The following NTMT1 variants were observed in gnomAD, a reference collection of about 807,000 sequenced individuals.
NTMT1 encodes the protein N-terminal Xaa-Pro-Lys N-methyltransferase 1.
Under a neutral mutation model 17.5 loss-of-function variants are expected in NTMT1, and 8 were observed. The observed-to-expected ratio is 0.46, with a 90% CI of 0.27 to 0.82. The LOEUF is 0.82. Among genes scored for constraint, NTMT1 ranks in the 40% least tolerant of loss-of-function variants. NTMT1 has a pLI of 0.15. For synonymous variants in NTMT1, 128 were observed against 126.8 expected (o/e 1.01, Z -0.06); for missense variants, 221 against 303.5 (o/e 0.73, Z 2.02).
intron 1 of NTMT1, chr9:129,615,752 T>C: frequency 1.6e-6 from 2 of 1,243,698 alleles, no homozygotes; most frequent in Non-Finnish European, 1.1e-6. Context: ...TGCCCTACAC[T>C]GGTCTTGAAG....
At chr9:129,634,971 C>G (rs775015265) in intron 3 of NTMT1, 16 of 544,642 alleles carry the variant, frequency 2.9e-5, no homozygotes, top group Non-Finnish European at 5.2e-5. Context: ...GTAAGCCATC[C>G]CGTCAAGTCA....
rs1830233568 is a variant in NTMT1 at position 129,614,174 on chromosome 9, TC to T, written c.-55+4998del. Among the ~76,000 whole-genome samples, 1 of 152,324 alleles carries T rather than the reference TC, an allele frequency of 6.6e-6. No homozygotes were observed. Among genetic ancestry groups the T allele is most frequent in the African/African-American group, 2.4e-5 (1 of 41,574 alleles). The stretch of plus-strand genomic sequence containing the variant: ...CATGAAATTGTTTCTCTTGGGCTTG[TC>T]CTGGCCTTGGATTCCCAAGAGGGGC... On this transcript the variant is annotated intron_variant, in intron 1 of 3. Coordinates refer to the NTMT1 transcript ENST00000372486. The surrounding 1 kb of genome is among the most constrained non-coding windows in gnomAD (Gnocchi z 4.4).
chr9:129,634,847 A>C (rs2118986900), intron 3 of NTMT1: 2 of 280,430 alleles, frequency 7.1e-6, no homozygotes, highest in East Asian at 1.9e-4. Flanking sequence ...TAGTGTAGGG[A>C]AGGCAGTCTC....
Position 129,613,258 on chromosome 9 carries a change from G to A in NTMT1, c.-55+4080G>A, listed in dbSNP as rs758765155. ...CTGTGTCTTCTGGGTGGACCTGGGG[G>A]AGACAGGACCCCATGAGCTTCCTGG... On this transcript the variant is annotated intron_variant, in intron 1 of 3. Coordinates refer to the NTMT1 transcript ENST00000372486. This position sits in a 1 kb window ranked among gnomAD's most constrained non-coding sequence, Gnocchi z 6.2. 7 of 1,597,658 alleles carry A rather than the reference G, an allele frequency of 4.4e-6. No individual in the cohort carries two copies. Among genetic ancestry groups the A allele is most frequent in the Non-Finnish European group, 2.6e-6 (3 of 1,170,084 alleles).
At position 129,613,156 on chromosome 9, in the gene NTMT1, G is replaced by A. The variant is rs539957283; in HGVS notation, c.-55+3978G>A. 2.4e-4 allele frequency: 384 copies of A among 1,613,762 alleles called. No individual in the cohort carries two copies. The highest frequency in any genetic ancestry group is 3.1e-4 in the Non-Finnish European group (362 of 1,179,998). On this transcript the variant is annotated intron_variant, in intron 1 of 3. Transcript: ENST00000372486. The surrounding 1 kb of genome is among the most constrained non-coding windows in gnomAD (Gnocchi z 6.2). The stretch of plus-strand genomic sequence containing the variant: ...CAAGAAGGCTCGGAGGCTGCTTCGC[G>A]GCCTCTGAGCAGCGGCCTTCTTCCA...
Position 129,620,817 on chromosome 9 carries a change from G to A in NTMT1, c.-55+11639G>A, listed in dbSNP as rs2118895726. 3 of 383,634 alleles carry A rather than the reference G, an allele frequency of 7.8e-6. No homozygotes were observed. The highest frequency in any genetic ancestry group is 6.7e-4 in the Middle Eastern group (1 of 1,500). The allele number at this position is 383,634 out of a possible 1,614,324, so 23.8% of individuals were successfully genotyped here. On this transcript the variant is annotated intron_variant, in intron 1 of 3. Coordinates refer to the NTMT1 transcript ENST00000372486. The surrounding 1 kb of genome is among the most constrained non-coding windows in gnomAD (Gnocchi z 5.8). ...AGCCAACTTTGGGGGTTGCTGTGAC[G>A]TTTAAATGAGCAAGTACATGCCAGT...
chr9:129,634,028 A>G (rs1831358824), intron 2 of NTMT1, 26 bp from the exon 3 acceptor site: 3 of 1,602,324 alleles, frequency 1.9e-6, no homozygotes, highest in South Asian at 2.2e-5. Context: ...GGTCCCTCTG[A>G]TAGGTTATAT....
At chr9:129,608,877 C>T (rs1348371789), upstream of NTMT1, 1 of 152,666 alleles carries the variant, frequency 6.6e-6, no homozygotes, top group East Asian at 1.9e-4. Context: ...TTGCCCTGAT[C>T]CTCCCTGCTC....
At chr9:129,633,168 A>AC in intron 2 of NTMT1, 1 of 468,854 alleles carries the variant, frequency 2.1e-6, no homozygotes, top group Non-Finnish European at 3.8e-6. Context: ...CTCTCCTGCC[A>AC]TGTCCACGGG....
upstream of NTMT1, among the ~76,000 whole-genome samples, chr9:129,623,760 G>A (rs568531473): frequency 2.6e-4 from 8 of 31,032 alleles, no homozygotes; most frequent in African/African-American, 3.7e-4. Flanking sequence ...TATTTAAAGG[G>A]TATGTGTCTT....
chr9:129,623,288 G>A (rs570696084), upstream of NTMT1, among the ~76,000 whole-genome samples: 9 of 150,596 alleles, frequency 6.0e-5, no homozygotes, highest in Non-Finnish European at 1.3e-4. Flanking sequence ...AGCGGAGATC[G>A]CGCCACTGCA....
In NTMT1 at chr9:129,613,190, A is replaced by G. The variant is rs1332400888; in HGVS notation, c.-55+4012A>G. 1 of 1,613,660 alleles carries G rather than the reference A, an allele frequency of 6.2e-7. No individual in the cohort carries two copies. The highest frequency in any genetic ancestry group is 8.5e-7 in the Non-Finnish European group (1 of 1,179,990). On this transcript the variant is annotated intron_variant, in intron 1 of 3. Transcript: ENST00000372486. This position sits in a 1 kb window ranked among gnomAD's most constrained non-coding sequence, Gnocchi z 6.2. ...GCAGCGGCCTTCTTCCATGAACAGA[A>G]GGGCAGGCTGCTGTTCATGGAGGTG...
rs10650201 is a variant in NTMT1 at position 129,633,663 on chromosome 9, C to CAAA, written c.163-380_163-378dup. 724 of 148,766 alleles carry CAAA rather than the reference C, an allele frequency of 4.9e-3. 7 individuals carry two copies. The highest frequency in any genetic ancestry group is 0.016 in the African/African-American group (649 of 39,358). The allele number at this position is 148,766 out of a possible 1,614,324, so 9.2% of individuals were successfully genotyped here. On this transcript the variant is annotated intron_variant, in intron 2 of 3. Coordinates refer to ENST00000372483, the MANE Select transcript of NTMT1 (RefSeq NM_014064.4). ...CGAGGCCCCGTCTCTACAAAAAATA[C>CAAA]AAAAAAAAAAAAATGAGTTGGGCAT... is the stretch of plus-strand genomic sequence containing the variant.
chr9:129,626,966 C>T (rs1830929978), intron 1 of NTMT1, among the ~76,000 whole-genome samples: 1 of 152,210 alleles, frequency 6.6e-6, no homozygotes, highest in Non-Finnish European at 1.5e-5. Flanking sequence ...CGGGGAGGGA[C>T]AGTGTAACCG....
chr9:129,618,773 A>G (rs1830513331), intron 1 of NTMT1, among the ~76,000 whole-genome samples: 1 of 151,862 alleles, frequency 6.6e-6, no homozygotes, highest in African/African-American at 2.4e-5. Context: ...GCTCACTGCA[A>G]GCTCCGCCTC....
intron 1 of NTMT1, among the ~76,000 whole-genome samples, chr9:129,618,884 T>G (rs1405391987): frequency 2.9e-5 from 4 of 140,160 alleles, no homozygotes; most frequent in Non-Finnish European, 4.7e-5. Flanking sequence ...TTTTTTTTTT[T>G]TGTATATTTT....
intron 1 of NTMT1, among the ~76,000 whole-genome samples, chr9:129,611,925 TTTC>T (rs1469047615): frequency 6.6e-6 from 1 of 151,900 alleles, no homozygotes; most frequent in Non-Finnish European, 1.5e-5. Context: ...GCTATTTTTT[TTTC>T]TTTTTTTAAG....
At chr9:129,635,000 CTT>C (rs943238228) in intron 3 of NTMT1, 18 of 612,076 alleles carry the variant, frequency 2.9e-5, no homozygotes, top group Admixed American at 1.5e-4. Flanking sequence ...CTTAATGTGT[CTT>C]TAGGTAGATG....
chr9:129,620,396 G>A lies in NTMT1; in HGVS notation c.-55+11218G>A, dbSNP rs13302395. On this transcript the variant is annotated intron_variant, in intron 1 of 3. Coordinates refer to the NTMT1 transcript ENST00000372486. The surrounding 1 kb of genome is among the most constrained non-coding windows in gnomAD (Gnocchi z 5.8). ...CTTGGCGTCCCCTTCCGGCCACCAC[G>A]CGGCGCCGCCCCCCGGGATCCTCCA... is the stretch of plus-strand genomic sequence containing the variant. The A allele has an allele frequency of 3.3e-6, 4 of 1,230,006 alleles. No homozygotes were observed. Among genetic ancestry groups the A allele is most frequent in the Admixed American group, 8.6e-5 (2 of 23,354 alleles). 76.2% of individuals were successfully genotyped at this position (1,230,006 alleles called of 1,614,324 possible).
Sources: gnomAD v4.1 joint callset for allele counts (sites outside exome capture counted in the v4.1 genomes callset) on GRCh38, gnomAD v4.1.1 for gene constraint, Gnocchi (gnomAD v3.1) non-coding constraint, MANE v1.5 for transcripts, NCBI Gene and HGNC (gene_info 2026-07-23, HGNC 2026-07-21) for gene names.